The following PPP2R3C variants were observed in gnomAD, a reference collection of about 807,000 sequenced individuals.
The protein encoded by PPP2R3C is serine/threonine-protein phosphatase 2A regulatory subunit B'' subunit gamma.
A neutral mutation model predicts 63.7 loss-of-function variants in PPP2R3C; 47 were observed. The observed-to-expected ratio is 0.74, with a 90% confidence interval of 0.58 to 0.94. PPP2R3C has a LOEUF of 0.94. PPP2R3C is among the 40% of genes least tolerant of loss of function. PPP2R3C has a pLI of 0.00. For synonymous variants in PPP2R3C, 180 were observed against 177.4 expected, an observed-to-expected ratio of 1.01 and a Z score of -0.12; for missense variants, 421 against 518.4, an observed-to-expected ratio of 0.81 and a Z score of 1.82.
In PPP2R3C at chr14:35,121,985, G is replaced by A. The variant is rs1338112229; in HGVS notation, c.-26C>T. 2.5e-6 allele frequency: 4 copies of A among 1,613,908 alleles called. No homozygotes were observed. The highest frequency in any genetic ancestry group is 1.3e-5 in the African/African-American group (1 of 74,914). The stretch of plus-strand genomic sequence containing the variant: ...GGCCGACTTCCGCGCAGCAGCTTCT[G>A]CATTTGCTGTTTCCTACCTGCTCCA... On this transcript the variant is annotated 5_prime_UTR_variant, in exon 1 of 13. The change creates a premature stop within an existing upstream ORF in the 5' untranslated region. Transcript: ENST00000261475.
chr14:35,117,097 G>T, intron 1 of PPP2R3C: 1 of 455,934 alleles, frequency 2.2e-6, no homozygotes, highest in Non-Finnish European at 4.4e-6. Flanking sequence ...CGCTGTAGTA[G>T]ACACGGAATG....
chr14:35,120,812 G>T (rs1248846976), intron 1 of PPP2R3C, among the ~76,000 whole-genome samples: 4 of 152,130 alleles, frequency 2.6e-5, no homozygotes, highest in African/African-American at 7.2e-5. Context: ...CGGGTGTGGT[G>T]GCGTGTGCCT....
At chr14:35,110,438 C>G in intron 3 of PPP2R3C, 87 bp downstream of exon 3, 1 of 856,442 alleles carries the variant, frequency 1.2e-6, no homozygotes, top group Non-Finnish European at 1.9e-6. Flanking sequence ...GTACGGACTC[C>G]ATTAGGCACC....
intron 1 of PPP2R3C, among the ~76,000 whole-genome samples, chr14:35,121,003 G>C (rs771036425): frequency 3.3e-5 from 5 of 151,990 alleles, no homozygotes; most frequent in African/African-American, 9.7e-5. Context: ...GATGAAAATT[G>C]AATGTAGGAG....
chr14:35,110,693 T>A, intron 2 of PPP2R3C, 64 bp from the exon 3 acceptor site: 1 of 1,078,162 alleles, frequency 9.3e-7, no homozygotes, highest in African/African-American at 1.6e-5. Flanking sequence ...AAAATGTATG[T>A]GGCCTCATAA....
chr14:35,103,691 A>G lies in PPP2R3C; in HGVS notation c.573+3613T>C, dbSNP rs544746960. ...GGGCAAGAAAACAAAAAAAAGAAAA[A>G]AAAGAAATCTGGGCAAACAGATTGT... On this transcript the variant is annotated intron_variant, in intron 6 of 12. Coordinates refer to ENST00000261475, the MANE Select transcript of PPP2R3C (RefSeq NM_017917.4). Among the ~76,000 whole-genome samples, 33 of 152,326 alleles carry G rather than the reference A, an allele frequency of 2.2e-4. No homozygotes were observed. In the East Asian group the frequency reaches 6.4e-3, roughly 29 times the overall value.
At chr14:35,111,673 C>G (rs2046564344) in intron 2 of PPP2R3C, among the ~76,000 whole-genome samples, 1 of 152,164 alleles carries the variant, frequency 6.6e-6, no homozygotes, top group Non-Finnish European at 1.5e-5. Flanking sequence ...ACAGGACTGG[C>G]CTTTTGAGAT....
intron 7 of PPP2R3C, chr14:35,099,014 C>A: frequency 2.6e-6 from 1 of 377,524 alleles, no homozygotes; most frequent in Non-Finnish European, 4.5e-6. Flanking sequence ...GTGATGTCCC[C>A]CCATCTGTCA....
chr14:35,099,280 G>A lies in PPP2R3C; in HGVS notation c.678C>T (p.Phe226=). 1 of 1,593,948 alleles carries A rather than the reference G, an allele frequency of 6.3e-7. No individual in the cohort carries two copies. The highest frequency in any genetic ancestry group is 1.2e-5 in the South Asian group (1 of 86,018). Residue 226 remains phenylalanine, a synonymous_variant, in exon 7 of 13, where the codon TTC becomes TTT. Coordinates refer to ENST00000261475, the MANE Select transcript of PPP2R3C (RefSeq NM_017917.4). ...TTCTTAAAGGATCTAAAAAGAAGAA[G>A]AACTTCCTAACTGCTGTACAAACAT... ...SFYVCTAVRK[F]FFFLDPLRTG... is the part of the protein sequence containing the mutation.
chr14:35,117,830 G>A (rs562333300), intron 1 of PPP2R3C, among the ~76,000 whole-genome samples: 2 of 152,176 alleles, frequency 1.3e-5, no homozygotes, highest in East Asian at 3.9e-4. Context: ...GAGTGGCTGG[G>A]ATTACGGGCA....
chr14:35,114,119 C>G (rs1166327329), intron 2 of PPP2R3C, among the ~76,000 whole-genome samples: 1 of 152,134 alleles, frequency 6.6e-6, no homozygotes, highest in Non-Finnish European at 1.5e-5. Flanking sequence ...TTAGCTGCCT[C>G]TGTTTAAGGA....
At chr14:35,118,653 CTT>C (rs150866333) in intron 1 of PPP2R3C, among the ~76,000 whole-genome samples, 5 of 125,824 alleles carry the variant, frequency 4.0e-5, no homozygotes, top group African/African-American at 3.0e-5. Context: ...AGGTACCTTC[CTT>C]TTTTTTTTTT....
In PPP2R3C at chr14:35,099,344, G is replaced by T; in HGVS notation, c.614C>A (p.Pro205Gln). The T allele has an allele frequency of 6.2e-7, 1 of 1,601,172 alleles. No individual in the cohort carries two copies. The highest frequency in any genetic ancestry group is 8.5e-7 in the Non-Finnish European group (1 of 1,177,272). Residue 205 changes from proline (P) to glutamine (Q), a missense_variant, in exon 7 of 13, where the codon CCA becomes CAA. Pro to Gln is a moderately conservative substitution (Grantham distance 76, BLOSUM62 -1). Coordinates refer to ENST00000261475, the MANE Select transcript of PPP2R3C (RefSeq NM_017917.4). ...NYILELIPTLPQLDGLEKSFY... is the reference protein window; with the variant it reads ...NYILELIPTLQQLDGLEKSFY... ...AGATTTTTCCAGACCATCTAATTGT[G>T]GCAACGTAGGGATAAGTTCCAATAT...
chr14:35,107,964 AT>A (rs747669044), intron 5 of PPP2R3C, 174 bp downstream of exon 5: 1 of 818,486 alleles, frequency 1.2e-6, no homozygotes, highest in African/African-American at 1.8e-5. Flanking sequence ...GGTTTAAAAA[AT>A]TTTTGTTTTT....
At chr14:35,111,062 C>CCGTCTCT (rs2046541773) in intron 2 of PPP2R3C, among the ~76,000 whole-genome samples, 1 of 151,880 alleles carries the variant, frequency 6.6e-6, no homozygotes, top group Non-Finnish European at 1.5e-5. Flanking sequence ...CTGTGCAACC[C>CCGTCTCT]CGTCTCTACT....
chr14:35,108,803 A>AT (rs2046446625), intron 4 of PPP2R3C, among the ~76,000 whole-genome samples: 1 of 151,614 alleles, frequency 6.6e-6, no homozygotes, highest in Non-Finnish European at 1.5e-5. Context: ...ATAAACAGAG[A>AT]TTTGCTCTGT....
In PPP2R3C at chr14:35,110,521, T is replaced by G; in HGVS notation, c.291+4A>C. 6.3e-7 allele frequency: 1 copy of G among 1,584,028 alleles called. No individual in the cohort carries two copies. The highest frequency in any genetic ancestry group is 8.6e-7 in the Non-Finnish European group (1 of 1,158,950). On this transcript the variant is annotated splice_donor_region_variant and intron_variant, in intron 3 of 12. Coordinates refer to ENST00000261475, the MANE Select transcript of PPP2R3C (RefSeq NM_017917.4). ...TCTAAAGCAACTTTTTGCTTTGTTCTTACCTGTAATTCTTCATTATCTAAC... is the reference window on the plus strand; with the variant it reads ...TCTAAAGCAACTTTTTGCTTTGTTCGTACCTGTAATTCTTCATTATCTAAC...
chr14:35,088,750 G>A (rs184326441), intron 11 of PPP2R3C, among the ~76,000 whole-genome samples: 61 of 152,244 alleles, frequency 4.0e-4, no homozygotes, highest in Admixed American at 4.0e-3. Context: ...TCCAGACCCA[G>A]CTTTATCATT....
chr14:35,102,376 A>G (rs1368197945), intron 6 of PPP2R3C: 1 of 152,150 alleles, frequency 6.6e-6, no homozygotes, highest in African/African-American at 2.4e-5. Flanking sequence ...ACCATTTCAA[A>G]TATCAAATTT....
Sources: allele counts gnomAD v4.1 joint callset (sites outside exome capture counted in the v4.1 genomes callset), GRCh38; gene constraint gnomAD v4.1.1; transcripts MANE v1.5; gene names NCBI Gene and HGNC (gene_info 2026-07-23, HGNC 2026-07-21).